The following PPP2R2C variants were observed in gnomAD, a reference collection of about 807,000 sequenced individuals.
PPP2R2C encodes protein phosphatase 2, regulatory subunit B, gamma.
Under a neutral mutation model 45.3 loss-of-function variants are expected in PPP2R2C, and 10 were observed. That is an observed-to-expected ratio of 0.22 (90% confidence interval 0.14 to 0.37). PPP2R2C has a LOEUF of 0.37. PPP2R2C is among the 10% of genes least tolerant of loss of function. PPP2R2C has a pLI of 1.00. For missense variants in PPP2R2C, 308 were observed against 619.7 expected (o/e 0.50, Z 5.34); for synonymous variants, 257 against 245.4 (o/e 1.05, Z -0.44).
chr4:6,463,605 C>G (rs561671058), intron 1 of PPP2R2C, among the ~76,000 whole-genome samples: 1 of 152,372 alleles, frequency 6.6e-6, no homozygotes, highest in African/African-American at 2.4e-5. Context: ...CCCGGGCCGG[C>G]TGGCAACTAA....
chr4:6,431,490 G>A (rs2109410676), intron 1 of PPP2R2C, among the ~76,000 whole-genome samples: 1 of 152,286 alleles, frequency 6.6e-6, no homozygotes, highest in South Asian at 2.1e-4. Flanking sequence ...GTTCAGGCTG[G>A]CAGTCACCCT....
chr4:6,563,218 C>G lies in PPP2R2C; in HGVS notation c.-59+342G>C, dbSNP rs1203166548. On this transcript the variant is annotated intron_variant, in intron 1 of 9. Coordinates refer to the PPP2R2C transcript ENST00000506140. The surrounding 1 kb of genome is among the most constrained non-coding windows in gnomAD (Gnocchi z 5.8). Reference sequence around the variant, plus strand: ...CTGTGGCTGACACCGGTGGAGCGATCTGCCCTGGCTCGCGCGGCGAGCAAG... The same window carrying G: ...CTGTGGCTGACACCGGTGGAGCGATGTGCCCTGGCTCGCGCGGCGAGCAAG... Among the ~76,000 whole-genome samples the G allele has an allele frequency of 6.6e-6, 1 of 152,228 alleles. No homozygotes were observed. The highest frequency in any genetic ancestry group is 6.5e-5 in the Admixed American group (1 of 15,290).
At chr4:6,342,081 TACACAC>T (rs58305750) in intron 6 of PPP2R2C, among the ~76,000 whole-genome samples, 41,047 of 139,460 alleles carry the variant, frequency 0.29, 6,009 homozygotes, top group Non-Finnish European at 0.32. Flanking sequence ...TCTGCCACGA[TACACAC>T]ACACACACAC....
chr4:6,372,834 G>C (rs867368782), intron 4 of PPP2R2C, 134 bp from the exon 5 acceptor site: 4 of 873,826 alleles, frequency 4.6e-6, no homozygotes, highest in Middle Eastern at 3.6e-4. Context: ...TCCGTGGTCT[G>C]AAATAGGCAG....
intron 2 of PPP2R2C, among the ~76,000 whole-genome samples, chr4:6,532,869 C>A (rs1247992353): frequency 1.3e-5 from 2 of 152,246 alleles, no homozygotes; most frequent in African/African-American, 2.4e-5. Context: ...GGCCAGGTAT[C>A]TGTGCCCTAG....
intron 6 of PPP2R2C, among the ~76,000 whole-genome samples, chr4:6,334,038 G>C (rs1318960090): frequency 1.3e-5 from 2 of 152,194 alleles, no homozygotes; most frequent in Non-Finnish European, 2.9e-5. Flanking sequence ...AGCTATACTT[G>C]ATGTGCTGCC....
upstream of PPP2R2C, among the ~76,000 whole-genome samples, chr4:6,476,300 A>C (rs1263009684): frequency 6.6e-6 from 1 of 152,124 alleles, no homozygotes; most frequent in East Asian, 1.9e-4. Context: ...TGGACTGAAC[A>C]GCTGTTGACT....
At chr4:6,554,107 A>C (rs1725279874) in intron 1 of PPP2R2C, among the ~76,000 whole-genome samples, 3 of 152,228 alleles carry the variant, frequency 2.0e-5, no homozygotes, top group Admixed American at 2.0e-4. Flanking sequence ...ATTCACATTG[A>C]AGTCCAAACC....
intron 1 of PPP2R2C, among the ~76,000 whole-genome samples, chr4:6,442,182 C>T (rs1720189419): frequency 6.6e-6 from 1 of 152,218 alleles, no homozygotes; most frequent in African/African-American, 2.4e-5. Flanking sequence ...CAGACTGTGT[C>T]CAATGTGCTG....
At chr4:6,414,181 C>CCTGGCTGGAGCTAGAA (rs112913660) in intron 1 of PPP2R2C, 2 of 765,724 alleles carry the variant, frequency 2.6e-6, no homozygotes, top group African/African-American at 1.8e-5. Flanking sequence ...TTTTCCTCCT[C>CCTGGCTGGAGCTAGAA]CTGGCTGGAG....
intron 1 of PPP2R2C, chr4:6,382,669 T>A (rs1232339594): frequency 0.026 from 4,431 of 170,874 alleles, 13 homozygotes; most frequent in Non-Finnish European, 0.036. Flanking sequence ...TCTCTCTCTC[T>A]CTCTCTCACA....
At chr4:6,512,891 A>G (rs938189456) in intron 2 of PPP2R2C, among the ~76,000 whole-genome samples, 3 of 152,048 alleles carry the variant, frequency 2.0e-5, no homozygotes, top group Non-Finnish European at 4.4e-5. Flanking sequence ...TCATCTTATG[A>G]TAAAACCCAG....
intron 1 of PPP2R2C, among the ~76,000 whole-genome samples, chr4:6,466,637 A>T (rs764037551): frequency 1.3e-5 from 2 of 151,484 alleles, no homozygotes; most frequent in Non-Finnish European, 2.9e-5. Flanking sequence ...TCCCCATCAC[A>T]CTCTCCATGG....
chr4:6,333,995 G>A lies in PPP2R2C; in HGVS notation c.791-264C>T, dbSNP rs534576599. ...ACCCATGCCTGGGGAGTCAGTGCTG[G>A]AAGAAGGTGGTAGAGTCGGGATTTG... On this transcript the variant is annotated intron_variant, in intron 6 of 8. Coordinates refer to ENST00000382599, the MANE Select transcript of PPP2R2C (RefSeq NM_020416.4). 2.0e-5 allele frequency among the ~76,000 whole-genome samples: 3 copies of A among 152,330 alleles called. No individual in the cohort carries two copies. In the South Asian group the frequency reaches 6.2e-4, roughly 32 times the overall value.
chr4:6,390,804 C>G (rs979718092), intron 1 of PPP2R2C, among the ~76,000 whole-genome samples: 6 of 152,214 alleles, frequency 3.9e-5, no homozygotes, highest in African/African-American at 1.4e-4. Context: ...CCTGGCTCAT[C>G]ATGAGTCCAG....
chr4:6,502,333 C>T (rs942318684), intron 2 of PPP2R2C, among the ~76,000 whole-genome samples: 11 of 152,104 alleles, frequency 7.2e-5, no homozygotes, highest in Admixed American at 4.6e-4. Context: ...AAGAAACAAG[C>T]GAATCTCCCC....
chr4:6,334,646 G>A (rs1212197057), intron 6 of PPP2R2C, among the ~76,000 whole-genome samples: 1 of 152,154 alleles, frequency 6.6e-6, no homozygotes, highest in East Asian at 1.9e-4. Context: ...CCTAGGACCT[G>A]GGCCACAGAG....
At chr4:6,348,124 T>C in intron 5 of PPP2R2C, 114 bp from the exon 6 acceptor site, 1 of 1,237,002 alleles carries the variant, frequency 8.1e-7, no homozygotes, top group Non-Finnish European at 1.1e-6. Context: ...GCGTCTGAGC[T>C]GCCTCTCTGT....
intron 2 of PPP2R2C, among the ~76,000 whole-genome samples, chr4:6,528,959 A>C (rs1364062148): frequency 6.6e-6 from 1 of 152,224 alleles, no homozygotes; most frequent in Non-Finnish European, 1.5e-5. Context: ...GGTGATTAAA[A>C]GCTTTGTTGC....
Sources: allele counts gnomAD v4.1 joint callset (sites outside exome capture counted in the v4.1 genomes callset), GRCh38; gene constraint gnomAD v4.1.1; non-coding constraint Gnocchi (gnomAD v3.1); transcripts MANE v1.5; gene names NCBI Gene and HGNC (gene_info 2026-07-23, HGNC 2026-07-21).